KRTCAP2: variants seen among roughly 807,000 people sequenced by gnomAD.
The protein encoded by KRTCAP2 is keratinocyte associated protein 2, also known as dolichyl-diphosphooligosaccharide--protein glycosyltransferase subunit KCP2.
KRTCAP2 carries 10 observed loss-of-function variants against 16.5 expected under a neutral mutation model. That is an observed-to-expected ratio of 0.60 (90% CI 0.37 to 1.02). The LOEUF (loss-of-function observed/expected upper bound fraction) is 1.02. Among genes scored for constraint, KRTCAP2 ranks in the 50% least tolerant of loss-of-function variants. The pLI is 0.01. For synonymous variants in KRTCAP2, 68 were observed against 69.8 expected (o/e 0.97, Z 0.13); for missense variants, 152 against 159.6 (o/e 0.95, Z 0.26).
chr1:155,169,690 A>G, intron 4 of KRTCAP2, 101 bp downstream of exon 4: 1 of 1,363,860 alleles, frequency 7.3e-7, no homozygotes, highest in South Asian at 1.2e-5. Context: ...GAGAACAGAG[A>G]GAGAGGTAGG....
intron 3 of KRTCAP2, chr1:155,172,143 C>G: frequency 9.9e-7 from 1 of 1,010,484 alleles, no homozygotes; most frequent in South Asian, 4.0e-5. Flanking sequence ...ATATTTGGTG[C>G]CTCTAGTATT....
intron 2 of KRTCAP2, 26 bp from the exon 3 acceptor site, chr1:155,172,654 G>A (rs775240778): frequency 6.2e-7 from 1 of 1,614,102 alleles, no homozygotes; most frequent in Non-Finnish European, 8.5e-7. Context: ...AAGGAGTAGG[G>A]TGTGCAACGG....
At chr1:155,173,098 G>T in intron 1 of KRTCAP2, 123 bp downstream of exon 1, 1 of 1,031,846 alleles carries the variant, frequency 9.7e-7, no homozygotes, top group Non-Finnish European at 1.4e-6. Flanking sequence ...CCGTCCGGTG[G>T]AAATGCCCGC....
intron 3 of KRTCAP2, chr1:155,171,806 T>G: frequency 1.2e-6 from 1 of 804,844 alleles, no homozygotes; most frequent in Non-Finnish European, 1.5e-6. Flanking sequence ...AGTGATCACA[T>G]CCCTGCACTC....
At chr1:155,169,742 T>C in intron 4 of KRTCAP2, 49 bp downstream of exon 4, 1 of 1,500,870 alleles carries the variant, frequency 6.7e-7, no homozygotes, top group Non-Finnish European at 9.1e-7. Flanking sequence ...TAAGATCCAA[T>C]GCCAAAAAAC....
chr1:155,171,631 G>A (rs1665248958), intron 3 of KRTCAP2: 1 of 946,724 alleles, frequency 1.1e-6, no homozygotes, highest in Non-Finnish European at 1.3e-6. Context: ...GCTGAAATAG[G>A]AGGATCACTT....
intron 1 of KRTCAP2, 82 bp from the exon 2 acceptor site, chr1:155,172,974 G>T (rs1665319567): frequency 1.4e-6 from 2 of 1,464,848 alleles, no homozygotes; most frequent in Non-Finnish European, 1.9e-6. Flanking sequence ...CGGTCCGGAA[G>T]CTCGGTGGGC....
At chr1:155,172,345 A>C in intron 3 of KRTCAP2, 54 of 1,353,446 alleles carry the variant, frequency 4.0e-5, no homozygotes, top group East Asian at 1.5e-4. Context: ...GCTGGCCAGA[A>C]GGTACCAAAG....
At chr1:155,173,170 C>G (rs1665330853) in intron 1 of KRTCAP2, 51 bp downstream of exon 1, 2 of 1,500,490 alleles carry the variant, frequency 1.3e-6, no homozygotes, top group Admixed American at 1.7e-5. Context: ...CTTGTCCACC[C>G]AAACCCCGAC....
intron 3 of KRTCAP2, 56 bp from the exon 4 acceptor site, chr1:155,169,913 C>A: frequency 8.5e-7 from 1 of 1,178,592 alleles, no homozygotes; most frequent in South Asian, 1.3e-5. Context: ...TACTAGGCAT[C>A]TGCACATGGA....
At chr1:155,170,658 G>A (rs1665211035) in intron 3 of KRTCAP2, 1 of 152,314 alleles carries the variant, frequency 6.6e-6, no homozygotes, top group Non-Finnish European at 1.5e-5. Context: ...GGGCAGGAAA[G>A]GATTTTAGGT....
chr1:155,171,905 T>C (rs767617920), intron 3 of KRTCAP2: 65 of 985,236 alleles, frequency 6.6e-5, no homozygotes, highest in Non-Finnish European at 7.6e-5. Flanking sequence ...TAGATCTTTG[T>C]TTTACCACAT....
At position 155,172,561 on chromosome 1, in the gene KRTCAP2, T is replaced by C. The variant is rs756472725; in HGVS notation, c.223+4A>G. ...CAAATACTCAAGCTCCAATATTCAC[T>C]TACTCTCAGGGAAGATCTTTGCTTG... On this transcript the variant is annotated splice_donor_region_variant and intron_variant, in intron 3 of 4. Coordinates refer to ENST00000295682, the MANE Select transcript of KRTCAP2 (RefSeq NM_173852.4). 1.9e-6 allele frequency: 3 copies of C among 1,614,210 alleles called. No homozygotes were observed. Among genetic ancestry groups the C allele is most frequent in the South Asian group, 1.1e-5 (1 of 91,084 alleles).
intron 1 of KRTCAP2, 37 bp from the exon 2 acceptor site, chr1:155,172,929 C>A: frequency 6.2e-7 from 1 of 1,607,214 alleles, no homozygotes. Flanking sequence ...GAGTCAGGCT[C>A]CGCCCTCCCT....
Position 155,173,267 on chromosome 1 carries a change from A to T in KRTCAP2, c.-43T>A. On this transcript the variant is annotated 5_prime_UTR_variant, in exon 1 of 5. Coordinates refer to ENST00000295682, the MANE Select transcript of KRTCAP2 (RefSeq NM_173852.4). ...TCCAACCGGCGCCTCTGGCCAAGAAAGGCGAGCTGAACCGGGTGCGGTTAG... is the reference window on the plus strand; with the variant it reads ...TCCAACCGGCGCCTCTGGCCAAGAATGGCGAGCTGAACCGGGTGCGGTTAG... 2 of 1,614,166 alleles carry T rather than the reference A, an allele frequency of 1.2e-6. No individual in the cohort carries two copies. The highest frequency in any genetic ancestry group is 1.7e-6 in the Non-Finnish European group (2 of 1,180,030).
Position 155,169,888 on chromosome 1 carries a change from C to T in KRTCAP2, c.224-31G>A, listed in dbSNP as rs183391998. 4,427 of 1,471,618 alleles carry T rather than the reference C, an allele frequency of 3.0e-3. 15 individuals are homozygous for T. Among genetic ancestry groups the T allele is most frequent in the Middle Eastern group, 2.9e-3 (17 of 5,822 alleles). The allele number at this position is 1,471,618 out of a possible 1,614,324, so 91.2% of individuals were successfully genotyped here. A position where few individuals can be genotyped will look rare whatever the true frequency, so the allele number is the denominator to read the frequency against. ...GAGGCAAGAAGAACAAGGAGGGCAA[C>T]GGTCAGAATGGAAATACTAGGCATC... On this transcript the variant is annotated intron_variant, in intron 3 of 4. Transcript: ENST00000295682.
chr1:155,171,900 CT>C, intron 3 of KRTCAP2: 1 of 895,688 alleles, frequency 1.1e-6, no homozygotes, highest in Non-Finnish European at 1.3e-6. Context: ...CATGATAGAT[CT>C]TTGTTTTACC....
intron 3 of KRTCAP2, 164 bp downstream of exon 3, chr1:155,172,401 C>G: frequency 1.4e-6 from 2 of 1,470,534 alleles, no homozygotes; most frequent in Non-Finnish European, 1.8e-6. Flanking sequence ...ACTCCAGGAG[C>G]TATACAAGGT....
intron 3 of KRTCAP2, chr1:155,171,779 G>T: frequency 2.9e-6 from 2 of 689,494 alleles, no homozygotes; most frequent in Non-Finnish European, 3.5e-6. Flanking sequence ...GATTGCTTGA[G>T]ACCAGGTCAA....
Sources: gnomAD v4.1 joint callset for allele counts on GRCh38, gnomAD v4.1.1 for gene constraint, MANE v1.5 for transcripts, NCBI Gene and HGNC (gene_info 2026-07-23, HGNC 2026-07-21) for gene names.